The following HDAC10 variants were observed in gnomAD, a reference collection of about 807,000 sequenced individuals.
HDAC10 encodes the protein polyamine deacetylase HDAC10.
A neutral mutation model predicts 82.3 loss-of-function variants in HDAC10; 90 were observed. The observed-to-expected ratio is 1.09, with a 90% confidence interval of 0.92 to 1.30. The LOEUF (loss-of-function observed/expected upper bound fraction) is 1.30, where lower values mean the gene tolerates loss of function less well. HDAC10 is among the 50% of genes most tolerant of loss of function. HDAC10 has a pLI of 0.00. For missense variants in HDAC10, 934 were observed against 876.3 expected, an observed-to-expected ratio of 1.07 and a Z score of -0.83; for synonymous variants, 456 against 391.7, an observed-to-expected ratio of 1.16 and a Z score of -1.94.
In HDAC10 at chr22:50,248,378, G is replaced by A. The variant is rs184151274; in HGVS notation, c.1001C>T (p.Ala334Val). 74 of 1,610,330 alleles carry A rather than the reference G, an allele frequency of 4.6e-5. No homozygotes were observed. The highest frequency in any genetic ancestry group is 2.8e-4 in the African/African-American group (21 of 74,970). The part of the protein sequence containing the change: ...DPAPPLSGPM[A>V]PCQSALESIQ... ...CCTCCCCTCGCACCTCTGACATGGC[G>A]CCATTGGCCCTGACAGGGGTGGGGC... The change falls in exon 11 of 20, where the codon GCG (alanine) becomes GTG (valine). Residue 334 changes from alanine to valine, a missense_variant. Physicochemically the swap from Ala to Val is moderately conservative, Grantham distance 64 (BLOSUM62 0). Coordinates refer to ENST00000216271, the MANE Select transcript of HDAC10 (RefSeq NM_032019.6). The surrounding 1 kb of genome is among the most constrained non-coding windows in gnomAD (Gnocchi z 5.4).
chr22:50,247,124 G>A (rs2064971282), intron 14 of HDAC10, 158 bp from the exon 15 acceptor site: 1 of 488,486 alleles, frequency 2.0e-6, no homozygotes, highest in South Asian at 3.6e-5. Flanking sequence ...TAAATAAGAT[G>A]CTTACGTCTA....
rs776688053 is a variant in HDAC10, at chr22:50,245,748, A to C, written c.1913T>G (p.Val638Gly). The stretch of plus-strand genomic sequence containing the variant: ...GGCCTGGACGTCCTCTGGGGAGGCC[A>C]CAGAGGAAGGGCCTAGGCTAGGAGG... ...EAPPSLGPSS[V>G]ASPEDVQALM... Residue 638 changes from valine to glycine, a missense_variant, in exon 19 of 20, where the codon GTG becomes GGG. By Grantham distance (109) the Val-to-Gly change is moderately radical (BLOSUM62 -3). Coordinates refer to ENST00000216271, the MANE Select transcript of HDAC10 (RefSeq NM_032019.6). The C allele has an allele frequency of 1.9e-6, 3 of 1,612,002 alleles. No individual in the cohort carries two copies.
At position 50,249,064 on chromosome 22, in the gene HDAC10, C is replaced by G. The variant is rs1487279307; in HGVS notation, c.756+39G>C. On this transcript the variant is annotated intron_variant, in intron 8 of 19. Transcript: ENST00000216271. The surrounding 1 kb of genome is among the most constrained non-coding windows in gnomAD (Gnocchi z 4.4). ...CGCACTCCAGGCACAAGGTCCCCCT[C>G]CCACCCGGCTGCCCTGGGGGAGCCC... 1.9e-6 allele frequency: 3 copies of G among 1,543,772 alleles called. No individual in the cohort carries two copies. Among genetic ancestry groups the G allele is most frequent in the Admixed American group, 1.9e-5 (1 of 53,466 alleles).
chr22:50,248,727 A>C lies in HDAC10; in HGVS notation c.841T>G (p.Cys281Gly), dbSNP rs2065014771. ...AGCAGCTGTGTGAGGTGGGCGAAGC[A>C]CTCTGGCGTGGCCTGCATTTGCCCC... ...PEGQMQATPE[C>G]FAHLTQLLQV... Residue 281 changes from cysteine to glycine, a missense_variant, in exon 10 of 20, where the codon TGC (cysteine) becomes GGC (glycine). By Grantham distance (159) the Cys-to-Gly change is radical. Transcript: ENST00000216271. This position sits in a 1 kb window ranked among gnomAD's most constrained non-coding sequence, Gnocchi z 5.4. The C allele has an allele frequency of 6.4e-7, 1 of 1,572,534 alleles. No individual in the cohort carries two copies. Among genetic ancestry groups the C allele is most frequent in the Admixed American group, 1.8e-5 (1 of 54,444 alleles).
At position 50,248,791 on chromosome 22, in the gene HDAC10, A is replaced by C; in HGVS notation, c.816+40T>G. 1 of 1,601,578 alleles carries C rather than the reference A, an allele frequency of 6.2e-7. No homozygotes were observed. Among genetic ancestry groups the C allele is most frequent in the Non-Finnish European group, 8.5e-7 (1 of 1,174,230 alleles). The stretch of plus-strand genomic sequence containing the variant: ...ATGTGTGATGGGGGACCTGGGCCCC[A>C]GGACCCCAGAAGCCCTCCCTGGCAA... On this transcript the variant is annotated intron_variant, in intron 9 of 19. Coordinates refer to ENST00000216271, the MANE Select transcript of HDAC10 (RefSeq NM_032019.6). The surrounding 1 kb of genome is among the most constrained non-coding windows in gnomAD (Gnocchi z 5.4).
chr22:50,249,887 T>C lies in HDAC10; in HGVS notation c.467A>G (p.His156Arg), dbSNP rs560598713. The C allele has an allele frequency of 4.1e-5, 66 of 1,612,764 alleles. No individual in the cohort carries two copies. The highest frequency in any genetic ancestry group is 1.1e-4 in the South Asian group (10 of 91,068). Residue 156 changes from histidine to arginine, a missense_variant, in exon 5 of 20, where the codon CAT (histidine) becomes CGT (arginine). Transcript: ENST00000216271. This position sits in a 1 kb window ranked among gnomAD's most constrained non-coding sequence, Gnocchi z 4.4. ...VFNNVAIAAA[H>R]AKQKHGLHRI... is the part of the protein sequence containing the mutation. The stretch of plus-strand genomic sequence containing the variant: ...GTGTAGCCCGTGTTTCTGCTTGGCA[T>C]GTGCAGCTGCTATGGCCACGTTGTT...
chr22:50,248,182 GC>G lies in HDAC10; in HGVS notation c.1082-38del. The G allele has an allele frequency of 1.3e-6, 2 of 1,599,358 alleles. No individual in the cohort carries two copies. Among genetic ancestry groups the G allele is most frequent in the Non-Finnish European group, 8.5e-7 (1 of 1,173,242 alleles). The stretch of plus-strand genomic sequence containing the variant: ...TCGGAGTCATAGCCACTGCACAGGA[GC>G]CCGAGGTGGGATCCTGCAGCCTAGC... On this transcript the variant is annotated intron_variant, in intron 12 of 19. Coordinates refer to ENST00000216271, the MANE Select transcript of HDAC10 (RefSeq NM_032019.6). The surrounding 1 kb of genome is among the most constrained non-coding windows in gnomAD (Gnocchi z 5.4).
intron 3 of HDAC10, 81 bp from the exon 4 acceptor site, chr22:50,250,241 C>A: frequency 7.2e-7 from 1 of 1,395,432 alleles, no homozygotes; most frequent in Non-Finnish European, 1.0e-6. Context: ...TGCCAGGCTG[C>A]AAGACACCAG....
At chr22:50,247,094 G>C (rs909235490) in intron 14 of HDAC10, 128 bp from the exon 15 acceptor site, 1 of 580,324 alleles carries the variant, frequency 1.7e-6, no homozygotes, top group East Asian at 2.9e-5. Flanking sequence ...CTTACACTAA[G>C]GTCAATCACT....
In HDAC10 at chr22:50,251,151, G is replaced by A. The variant is rs1483022374; in HGVS notation, c.-119C>T. ...CTGGGACCTGCCTGGGGCGCAGGCG[G>A]GCGGCGGGCACCGGCCTGGGCGGGA... On this transcript the variant is annotated 5_prime_UTR_variant, in exon 1 of 20. Coordinates refer to ENST00000216271, the MANE Select transcript of HDAC10 (RefSeq NM_032019.6). 4 of 1,095,364 alleles carry A rather than the reference G, an allele frequency of 3.7e-6. No individual in the cohort carries two copies. Among genetic ancestry groups the A allele is most frequent in the Non-Finnish European group, 5.2e-6 (4 of 766,250 alleles). The allele number at this position is 1,095,364 out of a possible 1,614,324, so 67.9% of individuals were successfully genotyped here.
Position 50,249,376 on chromosome 22 carries a change from C to A in HDAC10, c.642G>T (p.Val214=), listed in dbSNP as rs1385745800. The stretch of plus-strand genomic sequence containing the variant: ...TGAAGCCGAGGCCCTGTCCCCGCCC[C>A]ACTGCGTCTGCATCTGACTCTCGCA... ...PFLRESDADA[V]GRGQGLGFTV... is the part of the protein sequence containing the mutation. The change falls in exon 7 of 20, where the codon GTG becomes GTT. Residue 214 remains valine (V), a synonymous_variant. Coordinates refer to ENST00000216271, the MANE Select transcript of HDAC10 (RefSeq NM_032019.6). The surrounding 1 kb of genome is among the most constrained non-coding windows in gnomAD (Gnocchi z 4.4). 6.2e-7 allele frequency: 1 copy of A among 1,612,636 alleles called. No individual in the cohort carries two copies. The highest frequency in any genetic ancestry group is 1.3e-5 in the African/African-American group (1 of 75,020).
At position 50,250,797 on chromosome 22, in the gene HDAC10, C is replaced by G. The variant is rs544435715; in HGVS notation, c.168G>C (p.Ser56=). 5 of 1,602,672 alleles carry G rather than the reference C, an allele frequency of 3.1e-6. No individual in the cohort carries two copies. In the South Asian group the frequency reaches 4.5e-5, roughly 14 times the overall value. The change falls in exon 2 of 20, where the codon TCG becomes TCC. Residue 56 remains serine (S), a synonymous_variant. Transcript: ENST00000216271. ...TGTGCACCAGGCCCAGCTCCTCTTC[C>G]GAGGCCTCGCGGGCTGACAACCGCA... ...RCLRLSAREA[S]EEELGLVHSP... is the part of the protein sequence containing the mutation.
In HDAC10 at chr22:50,249,531, C is replaced by T. The variant is rs1326924963; in HGVS notation, c.564-77G>A. ...TCTACAGCTCCCTGTAGAACGCTGACCCCTGAGCACATGTCTGTATCTCAC... is the reference window on the plus strand; with the variant it reads ...TCTACAGCTCCCTGTAGAACGCTGATCCCTGAGCACATGTCTGTATCTCAC... On this transcript the variant is annotated intron_variant, in intron 6 of 19. Transcript: ENST00000216271. The surrounding 1 kb of genome is among the most constrained non-coding windows in gnomAD (Gnocchi z 4.4). 3 of 1,605,366 alleles carry T rather than the reference C, an allele frequency of 1.9e-6. No individual in the cohort carries two copies. Among genetic ancestry groups the T allele is most frequent in the South Asian group, 1.1e-5 (1 of 90,710 alleles).
In HDAC10 at chr22:50,248,792, G is replaced by A. The variant is rs1211758147; in HGVS notation, c.816+39C>T. Reference sequence around the variant, plus strand: ...TGTGTGATGGGGGACCTGGGCCCCAGGACCCCAGAAGCCCTCCCTGGCAAG... The same window carrying A: ...TGTGTGATGGGGGACCTGGGCCCCAAGACCCCAGAAGCCCTCCCTGGCAAG... On this transcript the variant is annotated intron_variant, in intron 9 of 19. Coordinates refer to ENST00000216271, the MANE Select transcript of HDAC10 (RefSeq NM_032019.6). The surrounding 1 kb of genome is among the most constrained non-coding windows in gnomAD (Gnocchi z 5.4). 2 of 1,602,288 alleles carry A rather than the reference G, an allele frequency of 1.2e-6. No homozygotes were observed. Among genetic ancestry groups the A allele is most frequent in the Admixed American group, 3.4e-5 (2 of 58,592 alleles).
chr22:50,247,728 C>A lies in HDAC10; in HGVS notation c.1386G>T (p.Lys462Asn), dbSNP rs776424326. The change falls in exon 14 of 20, where the codon AAG (lysine) becomes AAT (asparagine). Residue 462 changes from lysine to asparagine, a missense_variant. Coordinates refer to ENST00000216271, the MANE Select transcript of HDAC10 (RefSeq NM_032019.6). ...GCATCCCATCTAAGAGGTACAGGAG[C>A]TTCCCAAGTGCAGTGAGGGCCTCCT... ...AREEALTALGKLLYLLDGMLD... is the reference protein window; with the variant it reads ...AREEALTALGNLLYLLDGMLD... 5 of 1,599,880 alleles carry A rather than the reference C, an allele frequency of 3.1e-6. No homozygotes were observed. The Admixed American group carries it at 6.7e-5, about 21-fold the overall frequency.
At position 50,249,818 on chromosome 22, in the gene HDAC10, T is replaced by C. The variant is rs1601629914; in HGVS notation, c.494+42A>G. The C allele has an allele frequency of 6.2e-7, 1 of 1,604,442 alleles. No homozygotes were observed. The highest frequency in any genetic ancestry group is 8.5e-7 in the Non-Finnish European group (1 of 1,173,520). On this transcript the variant is annotated intron_variant, in intron 5 of 19. Transcript: ENST00000216271. The surrounding 1 kb of genome is among the most constrained non-coding windows in gnomAD (Gnocchi z 4.4). ...TCGCCTCCTGCGCTGCCCCTTGCTG[T>C]GTGGCCTGGGCCCACCCCCCTGCAG... is the stretch of plus-strand genomic sequence containing the variant.
Position 50,249,646 on chromosome 22 carries a change from C to T in HDAC10, c.552G>A (p.Glu184=). The change falls in exon 6 of 20, where the codon GAG becomes GAA. Residue 184 remains glutamate, a synonymous_variant. Transcript: ENST00000216271. The surrounding 1 kb of genome is among the most constrained non-coding windows in gnomAD (Gnocchi z 4.4). ...HHGQGIQYLF[E]DDPSVLYFSW... ...GCACCCCTGCTCACCTGGGGTCATC[C>T]TCAAAGAGATACTGGATCCCCTGGC... The T allele has an allele frequency of 6.2e-7, 1 of 1,612,936 alleles. No individual in the cohort carries two copies. Among genetic ancestry groups the T allele is most frequent in the African/African-American group, 1.3e-5 (1 of 75,052 alleles).
At position 50,249,372 on chromosome 22, in the gene HDAC10, G is replaced by C; in HGVS notation, c.646C>G (p.Arg216Gly). ...LRESDADAVG[R>G]GQGLGFTVNL... is the part of the protein sequence containing the mutation. ...ACAGTGAAGCCGAGGCCCTGTCCCCGCCCCACTGCGTCTGCATCTGACTCT... is the reference window on the plus strand; with the variant it reads ...ACAGTGAAGCCGAGGCCCTGTCCCCCCCCCACTGCGTCTGCATCTGACTCT... Residue 216 changes from arginine (R) to glycine (G), a missense_variant, in exon 7 of 20, where the codon CGG (arginine) becomes GGG (glycine). Arg to Gly is a moderately radical substitution (Grantham distance 125). Coordinates refer to ENST00000216271, the MANE Select transcript of HDAC10 (RefSeq NM_032019.6). The surrounding 1 kb of genome is among the most constrained non-coding windows in gnomAD (Gnocchi z 4.4). The C allele has an allele frequency of 6.2e-7, 1 of 1,612,478 alleles. No homozygotes were observed. The highest frequency in any genetic ancestry group is 8.5e-7 in the Non-Finnish European group (1 of 1,179,868).
At position 50,249,092 on chromosome 22, in the gene HDAC10, C is replaced by T. The variant is rs200106167; in HGVS notation, c.756+11G>A. On this transcript the variant is annotated intron_variant, in intron 8 of 19. Transcript: ENST00000216271. The surrounding 1 kb of genome is among the most constrained non-coding windows in gnomAD (Gnocchi z 4.4). ...ACCCGGCTGCCCTGGGGGAGCCCTCCGTGCAGTCACCTCAAAGGCCAGTGG... is the reference window on the plus strand; with the variant it reads ...ACCCGGCTGCCCTGGGGGAGCCCTCTGTGCAGTCACCTCAAAGGCCAGTGG... 82 of 1,590,308 alleles carry T rather than the reference C, an allele frequency of 5.2e-5. No individual in the cohort carries two copies. In the East Asian group the frequency reaches 7.3e-4, roughly 14 times the overall value.
Sources: allele counts gnomAD v4.1 joint callset, GRCh38; gene constraint gnomAD v4.1.1; non-coding constraint Gnocchi (gnomAD v3.1); transcripts MANE v1.5; gene names NCBI Gene and HGNC (gene_info 2026-07-23, HGNC 2026-07-21).